Variants in IQSEC1 observed in about 807,000 individuals in gnomAD.
IQSEC1 encodes the protein IQ motif and SEC7 domain-containing protein 1.
Under a neutral mutation model 91.0 loss-of-function variants are expected in IQSEC1, and 31 were observed. The observed-to-expected ratio is 0.34, with a 90% CI of 0.26 to 0.46. The LOEUF (loss-of-function observed/expected upper bound fraction) is 0.46. Ranked by LOEUF, IQSEC1 falls within the 20% of genes least tolerant of loss-of-function variation. The pLI is 1.00. For synonymous variants in IQSEC1, 699 were observed against 662.6 expected (o/e 1.05, Z -0.84); for missense variants, 1,388 against 1,575.6 (o/e 0.88, Z 2.02).
chr3:12,947,224 G>A (rs560024484), intron 1 of IQSEC1, among the ~76,000 whole-genome samples: 1 of 152,302 alleles, frequency 6.6e-6, no homozygotes, highest in Non-Finnish European at 1.5e-5. Flanking sequence ...GCCAATACCC[G>A]ACGTGATGAA....
intron 8 of IQSEC1, 86 bp from the exon 9 acceptor site, chr3:12,913,639 A>C (rs1695784484): frequency 7.1e-7 from 1 of 1,410,804 alleles, no homozygotes; most frequent in African/African-American, 1.4e-5. Flanking sequence ...CTAGCCCTTC[A>C]AGCTAGAAAC....
Position 12,967,338 on chromosome 3 carries a change from C to G in IQSEC1, c.24-25473G>C. On this transcript the variant is annotated intron_variant, in intron 1 of 13. Transcript: ENST00000613206. The surrounding 1 kb of genome is among the most constrained non-coding windows in gnomAD (Gnocchi z 5.9). ...AGGCATCCCCACAGCCTGCGCCAGC[C>G]CACCGCTCAGCACCCGGGAAGGCCG... The G allele has an allele frequency of 6.8e-7, 1 of 1,481,048 alleles. No individual in the cohort carries two copies. Among genetic ancestry groups the G allele is most frequent in the Non-Finnish European group, 9.1e-7 (1 of 1,102,162 alleles). 91.7% of individuals were successfully genotyped at this position (1,481,048 alleles called of 1,614,324 possible).
chr3:12,909,872 C>T lies in IQSEC1; in HGVS notation c.2417-438G>A, dbSNP rs555799926. ...CTGTGCCCAGACCTGCCTGGTGCCA[C>T]CTCCGGGCTCTCAGGGTCCCTGGGG... is the stretch of plus-strand genomic sequence containing the variant. On this transcript the variant is annotated intron_variant, in intron 10 of 13. Coordinates refer to ENST00000613206, the MANE Select transcript of IQSEC1 (RefSeq NM_001134382.3). This position sits in a 1 kb window ranked among gnomAD's most constrained non-coding sequence, Gnocchi z 4.9. Among the ~76,000 whole-genome samples the T allele has an allele frequency of 6.6e-6, 1 of 152,338 alleles. No individual in the cohort carries two copies. The highest frequency in any genetic ancestry group is 6.5e-5 in the Admixed American group (1 of 15,306).
At chr3:13,020,645 A>C (rs1036416956) in intron 1 of IQSEC1, among the ~76,000 whole-genome samples, 1 of 152,148 alleles carries the variant, frequency 6.6e-6, no homozygotes, top group Non-Finnish European at 1.5e-5. Context: ...ATCCTATTCT[A>C]AATTGTGCTT....
chr3:12,962,316 C>G (rs567026321), intron 1 of IQSEC1, among the ~76,000 whole-genome samples: 138 of 152,292 alleles, frequency 9.1e-4, no homozygotes, highest in Non-Finnish European at 1.7e-3. Context: ...ATGATTATAC[C>G]ACCTACCCTC....
At chr3:13,189,668 C>T (rs1375267481) in intron 1 of IQSEC1, among the ~76,000 whole-genome samples, 1 of 152,170 alleles carries the variant, frequency 6.6e-6, no homozygotes, top group African/African-American at 2.4e-5. Flanking sequence ...GTGCCCCCAG[C>T]CCTGATCACG....
At chr3:13,083,620 A>T (rs538392491) in intron 2 of IQSEC1, among the ~76,000 whole-genome samples, 1 of 152,398 alleles carries the variant, frequency 6.6e-6, no homozygotes, top group African/African-American at 2.4e-5. Flanking sequence ...CGTTGCAGTC[A>T]GAAGCCTGGC....
chr3:13,012,246 G>A (rs571922045), intron 1 of IQSEC1, among the ~76,000 whole-genome samples: 49 of 152,282 alleles, frequency 3.2e-4, no homozygotes, highest in African/African-American at 1.1e-3. Flanking sequence ...AGCCAGGTCA[G>A]CTCCACTGTG....
chr3:13,076,277 G>C (rs1705559908), upstream of IQSEC1, among the ~76,000 whole-genome samples: 1 of 152,192 alleles, frequency 6.6e-6, no homozygotes, highest in Admixed American at 6.5e-5. Context: ...TGGAGTTTCT[G>C]TAAGTGCCCA....
intron 1 of IQSEC1, among the ~76,000 whole-genome samples, chr3:13,208,282 CCCA>C (rs1694379258): frequency 6.6e-6 from 1 of 151,746 alleles, no homozygotes; most frequent in Admixed American, 6.6e-5. Context: ...TTTGGTGCCT[CCCA>C]CTCTACAGAG....
chr3:13,248,210 G>T (rs1237056525), intron 1 of IQSEC1, among the ~76,000 whole-genome samples: 1 of 152,190 alleles, frequency 6.6e-6, no homozygotes, highest in East Asian at 1.9e-4. Context: ...TGTCCCCAAG[G>T]CCACTGGAAA....
At chr3:13,126,898 C>T (rs576012879) in intron 2 of IQSEC1, among the ~76,000 whole-genome samples, 2 of 152,246 alleles carry the variant, frequency 1.3e-5, no homozygotes, top group Admixed American at 1.3e-4. Context: ...TTTTGCCTAG[C>T]CCTAGGTCCT....
At chr3:13,100,679 AC>A (rs1706040656) in intron 2 of IQSEC1, among the ~76,000 whole-genome samples, 1 of 148,804 alleles carries the variant, frequency 6.7e-6, no homozygotes, top group Non-Finnish European at 1.5e-5. Context: ...ATTCTGGGCC[AC>A]GTCAGGTGGC....
At chr3:13,002,547 CAAAA>C (rs57241537) in intron 1 of IQSEC1, among the ~76,000 whole-genome samples, 5 of 107,260 alleles carry the variant, frequency 4.7e-5, no homozygotes, top group Admixed American at 9.2e-5. Context: ...ACCTGATCTC[CAAAA>C]AAAAAAAAAA....
chr3:13,036,056 C>T (rs1055926527), intron 1 of IQSEC1, among the ~76,000 whole-genome samples: 3 of 152,212 alleles, frequency 2.0e-5, no homozygotes, highest in Non-Finnish European at 4.4e-5. Flanking sequence ...AGGAATCCAG[C>T]TCCTAGTCTT....
chr3:12,976,432 C>T (rs967909354), intron 1 of IQSEC1, among the ~76,000 whole-genome samples: 3 of 152,214 alleles, frequency 2.0e-5, no homozygotes, highest in Non-Finnish European at 4.4e-5. Flanking sequence ...GGAGCCAACA[C>T]TCACAGGGTC....
chr3:13,164,835 C>A (rs1479282156), intron 1 of IQSEC1, among the ~76,000 whole-genome samples: 6 of 152,232 alleles, frequency 3.9e-5, no homozygotes, highest in Admixed American at 3.3e-4. Flanking sequence ...TCTGAAGGAG[C>A]AAAGGGCTTT....
In IQSEC1 at chr3:12,900,300, A is replaced by G. The variant is rs1362813460; in HGVS notation, c.*683T>C. 4.1e-6 allele frequency: 4 copies of G among 984,740 alleles called. No individual in the cohort carries two copies. In the East Asian group the frequency reaches 4.5e-4, roughly 112 times the overall value. 61.0% of individuals were successfully genotyped at this position (984,740 alleles called of 1,614,324 possible). ...TTGTATGAAAATATGAAGTATCTGA[A>G]TTTGTTCCTAGCATTTAGGGTTTGG... On this transcript the variant is annotated 3_prime_UTR_variant, in exon 14 of 14. Transcript: ENST00000613206.
intron 1 of IQSEC1, among the ~76,000 whole-genome samples, chr3:12,949,696 T>G (rs566885698): frequency 3.7e-4 from 57 of 152,118 alleles, no homozygotes; most frequent in African/African-American, 1.4e-3. Flanking sequence ...GGTCTTGTTC[T>G]GCACAGGGCT....
Sources: allele counts gnomAD v4.1 joint callset (sites outside exome capture counted in the v4.1 genomes callset), GRCh38; gene constraint gnomAD v4.1.1; non-coding constraint Gnocchi (gnomAD v3.1); transcripts MANE v1.5; gene names NCBI Gene and HGNC (gene_info 2026-07-23, HGNC 2026-07-21).